WNK1: variants seen among roughly 807,000 people sequenced by gnomAD.
WNK1 encodes the protein WNK lysine deficient protein kinase 1, also known as serine/threonine-protein kinase WNK1.
A neutral mutation model predicts 222.8 loss-of-function variants in WNK1; 38 were observed. That is an observed-to-expected ratio of 0.17 (90% CI 0.13 to 0.22). WNK1 has a LOEUF of 0.22. Among genes scored for constraint, WNK1 ranks in the 10% least tolerant of loss-of-function variants. WNK1 has a pLI of 1.00. For missense variants in WNK1, 2,348 were observed against 2,918.4 expected (o/e 0.80, Z 4.50); for synonymous variants, 1,090 against 1,092.9 (o/e 1.00, Z 0.05).
chr12:882,359 C>T (rs1953247244), intron 14 of WNK1, among the ~76,000 whole-genome samples: 1 of 151,956 alleles, frequency 6.6e-6, no homozygotes, highest in Non-Finnish European at 1.5e-5. Context: ...CCACCACGCA[C>T]GGCTAGTTTT....
chr12:827,385 G>A lies in WNK1; in HGVS notation c.1153+123G>A, dbSNP rs1948431477. 1.2e-6 allele frequency: 1 copy of A among 836,946 alleles called. No homozygotes were observed. Among genetic ancestry groups the A allele is most frequent in the Non-Finnish European group, 2.0e-6 (1 of 494,520 alleles). The allele number at this position is 836,946 out of a possible 1,614,324, so 51.8% of individuals were successfully genotyped here. On this transcript the variant is annotated intron_variant, in intron 3 of 27. Transcript: ENST00000315939. The surrounding 1 kb of genome is among the most constrained non-coding windows in gnomAD (Gnocchi z 4.6). Reference sequence around the variant, plus strand: ...AGAAATTCATAGCTTGAACTCAGGAGGTGATCCATTGTACTTATGAGATAT... The same window carrying A: ...AGAAATTCATAGCTTGAACTCAGGAAGTGATCCATTGTACTTATGAGATAT...
Position 788,321 on chromosome 12 carries a change from T to G in WNK1, c.760-25321T>G, listed in dbSNP as rs1434406259. Reference sequence around the variant, plus strand: ...GTCCTTCATATCAGCTTCTTGAAATTAAAAAAAAAGCTACTGTGTGTAATA... The same window carrying G: ...GTCCTTCATATCAGCTTCTTGAAATGAAAAAAAAAGCTACTGTGTGTAATA... On this transcript the variant is annotated intron_variant, in intron 1 of 27. Coordinates refer to ENST00000315939, the MANE Select transcript of WNK1 (RefSeq NM_018979.4). Among the ~76,000 whole-genome samples, 3 of 151,064 alleles carry G rather than the reference T, an allele frequency of 2.0e-5. No individual in the cohort carries two copies. In the East Asian group the frequency reaches 5.8e-4, roughly 29 times the overall value.
In WNK1 at chr12:910,230, TGCACATGTACCATGCATTTCTCA is replaced by T. The variant is rs1955988038; in HGVS notation, c.*1441_*1463del. On this transcript the variant is annotated 3_prime_UTR_variant, in exon 28 of 28. Transcript: ENST00000315939. ...ACTGTTTGGATTGCTTTCCTCTTGT[TGCACATGTACCATGCATTTCTCA>T]GCTTGGGGTACTACATTTTGTGGAA... is the stretch of plus-strand genomic sequence containing the variant. 6.6e-6 allele frequency: 1 copy of T among 152,238 alleles called. No individual in the cohort carries two copies. Among genetic ancestry groups the T allele is most frequent in the Non-Finnish European group, 1.5e-5 (1 of 68,036 alleles). 9.4% of individuals were successfully genotyped at this position (152,238 alleles called of 1,614,324 possible). A position where few individuals can be genotyped will look rare whatever the true frequency, so the allele number is the denominator to read the frequency against.
intron 1 of WNK1, among the ~76,000 whole-genome samples, chr12:806,624 G>A (rs1946386003): frequency 6.6e-6 from 1 of 152,220 alleles, no homozygotes; most frequent in Non-Finnish European, 1.5e-5. Context: ...ATATGACGTA[G>A]TTGTGGCTTT....
chr12:770,127 A>C (rs1432187568), intron 1 of WNK1, among the ~76,000 whole-genome samples: 1 of 152,068 alleles, frequency 6.6e-6, no homozygotes, highest in Admixed American at 6.5e-5. Flanking sequence ...GGCATGCGCC[A>C]CCATGTCTGG....
At position 883,558 on chromosome 12, in the gene WNK1, C is replaced by T. The variant is rs765738823; in HGVS notation, c.3653C>T (p.Ser1218Leu). ...CAAGGAAAGGATGACTATGGCTTTT[C>T]AGGTTCTCAGGTAGGTTCACCACTC... Reference protein sequence around the residue: ...SLQGKDDYGFSGSQKLEGEFK... With the variant: ...SLQGKDDYGFLGSQKLEGEFK... The change falls in exon 16 of 28, where the codon TCA (serine) becomes TTA (leucine). Residue 1218 changes from serine (S) to leucine (L), a missense_variant. Ser to Leu is a moderately radical substitution (Grantham distance 145). Transcript: ENST00000315939. 6.2e-7 allele frequency: 1 copy of T among 1,613,580 alleles called. No homozygotes were observed.
chr12:861,967 C>G (rs1951252508), intron 7 of WNK1, 116 bp from the exon 8 acceptor site: 1 of 1,138,866 alleles, frequency 8.8e-7, no homozygotes. Context: ...CAAATCTGTG[C>G]AAGGAATAAC....
intron 1 of WNK1, among the ~76,000 whole-genome samples, chr12:769,733 T>C (rs552797680): frequency 6.6e-6 from 1 of 152,260 alleles, no homozygotes; most frequent in Non-Finnish European, 1.5e-5. Context: ...TCTTAGTTCA[T>C]TTGCGCTACT....
At chr12:873,063 A>G (rs2154075808) in intron 9 of WNK1, among the ~76,000 whole-genome samples, 2 of 152,336 alleles carry the variant, frequency 1.3e-5, no homozygotes, top group Middle Eastern at 6.8e-3. Flanking sequence ...AACAGTTCCT[A>G]ATTAGAATGC....
In WNK1 at chr12:851,802, A is replaced by G. The variant is rs773461933; in HGVS notation, c.1312-5359A>G. 9 of 1,328,730 alleles carry G rather than the reference A, an allele frequency of 6.8e-6. No homozygotes were observed. The East Asian group carries it at 1.9e-4, about 27-fold the overall frequency. The allele number at this position is 1,328,730 out of a possible 1,614,324, so 82.3% of individuals were successfully genotyped here. On this transcript the variant is annotated intron_variant, in intron 4 of 27. Transcript: ENST00000315939. ...AATGAGGTAGGTAAGAATTTCCAGT[A>G]TATGTAACAGTTTATATTGTAGCCT...
intron 1 of WNK1, among the ~76,000 whole-genome samples, chr12:811,393 G>C (rs1242137937): frequency 6.6e-6 from 1 of 152,044 alleles, no homozygotes. Flanking sequence ...TTTAGGGTTT[G>C]TTTGTTGTCA....
At chr12:892,185 C>G (rs544062482) in intron 22 of WNK1, among the ~76,000 whole-genome samples, 23 of 151,930 alleles carry the variant, frequency 1.5e-4, no homozygotes, top group African/African-American at 5.1e-4. Flanking sequence ...ATTAACTCGT[C>G]ATTTAGCATT....
chr12:780,865 C>G (rs1179911047), intron 1 of WNK1, among the ~76,000 whole-genome samples: 1 of 152,164 alleles, frequency 6.6e-6, no homozygotes, highest in African/African-American at 2.4e-5. Context: ...TATCCTCTCA[C>G]AGTCAAAAAG....
chr12:755,478 G>A (rs915994482), intron 1 of WNK1, among the ~76,000 whole-genome samples: 4 of 152,172 alleles, frequency 2.6e-5, no homozygotes, highest in African/African-American at 9.7e-5. Context: ...ACAGCATGTG[G>A]AAGTAAACTT....
At chr12:900,015 T>C (rs185162955) in intron 25 of WNK1, among the ~76,000 whole-genome samples, 4 of 63,210 alleles carry the variant, frequency 6.3e-5, no homozygotes, top group Admixed American at 2.5e-4. Context: ...TGGATTCTTT[T>C]CTTTTTTTTT....
chr12:821,722 A>G (rs1264365447), intron 2 of WNK1, among the ~76,000 whole-genome samples: 1 of 152,034 alleles, frequency 6.6e-6, no homozygotes, highest in East Asian at 1.9e-4. Context: ...TGGTGGCTTT[A>G]TTGTTTGATG....
chr12:843,680 A>G (rs1401144547), intron 4 of WNK1, among the ~76,000 whole-genome samples: 1 of 152,238 alleles, frequency 6.6e-6, no homozygotes, highest in Non-Finnish European at 1.5e-5. Flanking sequence ...AGGACCCTGA[A>G]GGGTCTTTAT....
At chr12:897,399 G>A in intron 24 of WNK1, 80 bp from the exon 25 acceptor site, 2 of 932,660 alleles carry the variant, frequency 2.1e-6, no homozygotes, top group South Asian at 1.3e-5. Context: ...CTTGAAAGCA[G>A]GTTTAGGAAT....
intron 1 of WNK1, among the ~76,000 whole-genome samples, chr12:780,478 T>A (rs72647389): frequency 6.6e-6 from 1 of 152,196 alleles, no homozygotes; most frequent in Non-Finnish European, 1.5e-5. Context: ...AAGTGTAGTG[T>A]GTTGCATGCA....
Sources: allele counts gnomAD v4.1 joint callset (sites outside exome capture counted in the v4.1 genomes callset), GRCh38; gene constraint gnomAD v4.1.1; non-coding constraint Gnocchi (gnomAD v3.1); transcripts MANE v1.5; gene names NCBI Gene and HGNC (gene_info 2026-07-23, HGNC 2026-07-21).